Variants in CAMKMT observed in about 807,000 individuals in gnomAD.
CAMKMT encodes the protein CaM KMT.
CAMKMT carries 53 observed loss-of-function variants against 48.0 expected under a neutral mutation model. The ratio of observed to expected loss-of-function variants is 1.10; its 90% CI spans 0.89 to 1.39. CAMKMT has a LOEUF of 1.39. Ranked by LOEUF, CAMKMT falls within the 40% of genes most tolerant of loss-of-function variation. The pLI is 0.00. For missense variants in CAMKMT, 428 were observed against 402.7 expected (o/e 1.06, Z -0.54); for synonymous variants, 165 against 152.3 (o/e 1.08, Z -0.61).
chr2:44,387,151 C>G (rs1194966287), intron 2 of CAMKMT, among the ~76,000 whole-genome samples: 1 of 152,040 alleles, frequency 6.6e-6, no homozygotes, highest in Non-Finnish European at 1.5e-5. Context: ...TGCTGTCTAT[C>G]TCATTTCTTA....
chr2:44,402,740 G>GTTTTTTTTTTTTTTTTTTTTTTCTTTT, intron 3 of CAMKMT, among the ~76,000 whole-genome samples: 60 of 94,018 alleles, frequency 6.4e-4, no homozygotes, highest in Non-Finnish European at 7.5e-4. Flanking sequence ...TTGTTTTGCT[G>GTTTTTTTTTTTTTTTTTTTTTTCTTTT]TTTTTTTTTT....
intron 6 of CAMKMT, among the ~76,000 whole-genome samples, chr2:44,709,979 T>C (rs1310515534): frequency 3.3e-5 from 5 of 152,078 alleles, no homozygotes; most frequent in Admixed American, 6.6e-5. Context: ...CGCATCTGAG[T>C]ATTGGCCTGT....
chr2:44,412,066 C>T (rs908077092), intron 3 of CAMKMT, among the ~76,000 whole-genome samples: 5 of 130,898 alleles, frequency 3.8e-5, no homozygotes, highest in Admixed American at 3.7e-4. Flanking sequence ...CAGGACTCTT[C>T]TAGGATAAAG....
intron 3 of CAMKMT, among the ~76,000 whole-genome samples, chr2:44,525,999 C>T (rs567410600): frequency 1.3e-5 from 2 of 152,152 alleles, no homozygotes; most frequent in South Asian, 4.2e-4. Flanking sequence ...CTAATGCTAT[C>T]CCTCCCCTCT....
intron 3 of CAMKMT, among the ~76,000 whole-genome samples, chr2:44,587,666 A>G (rs1572861813): frequency 1.7e-5 from 2 of 116,736 alleles, no homozygotes; most frequent in Non-Finnish European, 1.9e-5. Flanking sequence ...TTTTTGGTGG[A>G]GACGGGGTTT....
chr2:44,374,618 T>C (rs1435112953), intron 2 of CAMKMT, among the ~76,000 whole-genome samples: 1 of 152,234 alleles, frequency 6.6e-6, no homozygotes, highest in African/African-American at 2.4e-5. Flanking sequence ...AAGCAAGTCA[T>C]GGTTATCCAC....
chr2:44,613,173 AT>A (rs1174424226), intron 3 of CAMKMT, among the ~76,000 whole-genome samples: 2 of 152,178 alleles, frequency 1.3e-5, no homozygotes, highest in African/African-American at 4.8e-5. Flanking sequence ...TTTAACTCTT[AT>A]GTTTGTTTTT....
intron 3 of CAMKMT, among the ~76,000 whole-genome samples, chr2:44,511,776 A>C (rs971117343): frequency 1.3e-5 from 2 of 152,278 alleles, no homozygotes; most frequent in Admixed American, 6.5e-5. Flanking sequence ...TTCTTCCCTC[A>C]GATTTTATCT....
chr2:44,763,538 A>C lies in CAMKMT; in HGVS notation c.763-2892A>C, dbSNP rs1214495431. Among the ~76,000 whole-genome samples, 4 of 152,230 alleles carry C rather than the reference A, an allele frequency of 2.6e-5. No individual in the cohort carries two copies. In the East Asian group the frequency reaches 7.7e-4, roughly 29 times the overall value. On this transcript the variant is annotated intron_variant, in intron 9 of 10. Coordinates refer to ENST00000378494, the MANE Select transcript of CAMKMT (RefSeq NM_024766.5). ...TAAAACATTAGAAGATCCTGTTGTC[A>C]CGGAGTATGCATTCCAGCCAGAGAA...
intron 3 of CAMKMT, among the ~76,000 whole-genome samples, chr2:44,662,641 G>A (rs1012139823): frequency 2.3e-4 from 35 of 152,112 alleles, no homozygotes; most frequent in Admixed American, 1.8e-3. Flanking sequence ...CACCCAAGAT[G>A]GAGTGCAGTG....
chr2:44,386,877 G>C (rs928594240), intron 2 of CAMKMT, among the ~76,000 whole-genome samples: 4 of 152,200 alleles, frequency 2.6e-5, no homozygotes, highest in African/African-American at 9.6e-5. Flanking sequence ...TGGTCTGAGA[G>C]GGTGCTTGAT....
chr2:44,649,702 C>T (rs539496595), intron 3 of CAMKMT, among the ~76,000 whole-genome samples: 11 of 152,208 alleles, frequency 7.2e-5, no homozygotes, highest in East Asian at 1.9e-4. Flanking sequence ...GATGGAAAAC[C>T]GAACAAGTAA....
At chr2:44,709,773 G>T (rs993405465) in intron 6 of CAMKMT, among the ~76,000 whole-genome samples, 1 of 151,982 alleles carries the variant, frequency 6.6e-6, no homozygotes, top group African/African-American at 2.4e-5. Flanking sequence ...TATAGCAGTT[G>T]TAGGATATTA....
chr2:44,655,288 G>A (rs1674315788), intron 3 of CAMKMT, among the ~76,000 whole-genome samples: 1 of 152,128 alleles, frequency 6.6e-6, no homozygotes, highest in African/African-American at 2.4e-5. Context: ...CATTGTTTTA[G>A]ATGGTTTTCA....
At chr2:44,680,908 C>T (rs1201203448) in intron 3 of CAMKMT, among the ~76,000 whole-genome samples, 1 of 152,178 alleles carries the variant, frequency 6.6e-6, no homozygotes, top group African/African-American at 2.4e-5. Context: ...TTCTTTTCCA[C>T]CCTAAGTGGT....
chr2:44,529,048 A>T (rs1226739266), intron 3 of CAMKMT, among the ~76,000 whole-genome samples: 2 of 152,198 alleles, frequency 1.3e-5, no homozygotes, highest in African/African-American at 4.8e-5. Flanking sequence ...ATTTCTATAA[A>T]GAGAAACTTA....
At chr2:44,430,512 G>C (rs1474649662) in intron 3 of CAMKMT, among the ~76,000 whole-genome samples, 1 of 151,190 alleles carries the variant, frequency 6.6e-6, no homozygotes, top group Non-Finnish European at 1.5e-5. Context: ...ACTAGACCCA[G>C]AGCTACTTGT....
In CAMKMT at chr2:44,594,807, C is replaced by G. The variant is rs1370211171; in HGVS notation, c.377-109476C>G. On this transcript the variant is annotated intron_variant, in intron 3 of 10. Coordinates refer to ENST00000378494, the MANE Select transcript of CAMKMT (RefSeq NM_024766.5). ...CAATGGCAACAAAATCCAAAATTGA[C>G]AAGTGGGATCTAATTAAATGAAAGA... is the stretch of plus-strand genomic sequence containing the variant. 2.0e-5 allele frequency among the ~76,000 whole-genome samples: 3 copies of G among 152,180 alleles called. No individual in the cohort carries two copies. In the East Asian group the frequency reaches 5.8e-4, roughly 29 times the overall value.
chr2:44,531,588 G>C (rs1231196241), intron 3 of CAMKMT, among the ~76,000 whole-genome samples: 1 of 152,036 alleles, frequency 6.6e-6, no homozygotes, highest in Non-Finnish European at 1.5e-5. Flanking sequence ...CTTTGTTCTG[G>C]TCATGTATCC....
Sources: gnomAD v4.1 joint callset for allele counts (sites outside exome capture counted in the v4.1 genomes callset) on GRCh38, gnomAD v4.1.1 for gene constraint, MANE v1.5 for transcripts, NCBI Gene and HGNC (gene_info 2026-07-23, HGNC 2026-07-21) for gene names.